EIF2AK2: variants seen among roughly 807,000 people sequenced by gnomAD.
EIF2AK2 encodes eukaryotic translation initiation factor 2 alpha kinase 2.
A neutral mutation model predicts 70.5 loss-of-function variants in EIF2AK2; 40 were observed. That is an observed-to-expected ratio of 0.57 (90% CI 0.44 to 0.74). The LOEUF is 0.74. EIF2AK2 is among the 30% of genes least tolerant of loss of function. EIF2AK2 has a pLI of 0.00. For synonymous variants in EIF2AK2, 198 were observed against 220.9 expected (o/e 0.90, Z 0.92); for missense variants, 555 against 644.3 (o/e 0.86, Z 1.50).
chr2:37,104,803 C>G lies in EIF2AK2; in HGVS notation c.*2470G>C, dbSNP rs1673914561. On this transcript the variant is annotated 3_prime_UTR_variant, in exon 17 of 17. Transcript: ENST00000233057. ...CTAATAATTTCCTCATGATTAAATT[C>G]CAGTTTAACACTTTGTGCAAGAAAA... The G allele has an allele frequency of 6.6e-6, 1 of 151,792 alleles. No individual in the cohort carries two copies. The highest frequency in any genetic ancestry group is 2.4e-5 in the African/African-American group (1 of 41,300). The allele number at this position is 151,792 out of a possible 1,614,324, so 9.4% of individuals were successfully genotyped here.
At chr2:37,141,362 A>G (rs921787913) in intron 5 of EIF2AK2, among the ~76,000 whole-genome samples, 191 bp downstream of exon 5, 1 of 152,210 alleles carries the variant, frequency 6.6e-6, no homozygotes, top group Non-Finnish European at 1.5e-5. Context: ...ATTATGGTAA[A>G]TGGGTTCCAT....
At chr2:37,129,410 C>T (rs1048922010) in intron 10 of EIF2AK2, among the ~76,000 whole-genome samples, 4 of 152,088 alleles carry the variant, frequency 2.6e-5, no homozygotes, top group African/African-American at 9.7e-5. Context: ...TCAACAGGGA[C>T]ACCTTCCCCA....
intron 1 of EIF2AK2, among the ~76,000 whole-genome samples, chr2:37,151,639 T>C (rs75331687): frequency 1.3e-5 from 2 of 152,212 alleles, no homozygotes; most frequent in Non-Finnish European, 2.9e-5. Flanking sequence ...TAGACAGGAA[T>C]GTACATAGCA....
At chr2:37,112,278 T>C (rs1356643734) in intron 14 of EIF2AK2, among the ~76,000 whole-genome samples, 2 of 152,138 alleles carry the variant, frequency 1.3e-5, no homozygotes, top group African/African-American at 2.4e-5. Flanking sequence ...CGACTTGTCA[T>C]GTGAGCAAGA....
At chr2:37,113,547 AAACAAAGAAGT>A (rs1243388085) in intron 14 of EIF2AK2, among the ~76,000 whole-genome samples, 4 of 151,742 alleles carry the variant, frequency 2.6e-5, no homozygotes, top group African/African-American at 9.7e-5. Context: ...ATGTCATTAT[AAACAAAGAAGT>A]AACAATCAAG....
At chr2:37,133,588 C>A (rs77795433) in intron 10 of EIF2AK2, among the ~76,000 whole-genome samples, 7,275 of 152,242 alleles carry the variant, frequency 0.048, 204 homozygotes, top group Middle Eastern at 0.061. Context: ...CTCTCAAGAA[C>A]ACAGACTTCC....
chr2:37,149,178 T>C (rs961131827), intron 1 of EIF2AK2, 155 bp from the exon 2 acceptor site: 1 of 1,062,480 alleles, frequency 9.4e-7, no homozygotes, highest in African/African-American at 1.6e-5. Context: ...TTAGGATGTT[T>C]CTATGCTTGT....
Position 37,139,755 on chromosome 2 carries a change from A to T in EIF2AK2, c.392T>A (p.Phe131Tyr), listed in dbSNP as rs771237577. The part of the protein sequence containing the change: ...CASGVHGPEG[F>Y]HYKCKMGQKE... ...CTGTCCCATTTTGCATTTATAATGAAATCTAGGAGAAATCATAGAAGGTAC... is the reference window on the plus strand; with the variant it reads ...CTGTCCCATTTTGCATTTATAATGATATCTAGGAGAAATCATAGAAGGTAC... The change falls in exon 6 of 17, where the codon TTT becomes TAT. Residue 131 changes from phenylalanine (F) to tyrosine (Y), a missense_variant and splice_region_variant. Coordinates refer to ENST00000233057, the MANE Select transcript of EIF2AK2 (RefSeq NM_001135651.3). 2 of 1,607,778 alleles carry T rather than the reference A, an allele frequency of 1.2e-6. No individual in the cohort carries two copies. Among genetic ancestry groups the T allele is most frequent in the Non-Finnish European group, 1.7e-6 (2 of 1,178,378 alleles).
chr2:37,133,384 A>C (rs1675015015), intron 10 of EIF2AK2, among the ~76,000 whole-genome samples: 1 of 152,106 alleles, frequency 6.6e-6, no homozygotes, highest in African/African-American at 2.4e-5. Flanking sequence ...CTGCCATTTC[A>C]TTTGGGAATA....
Position 37,105,830 on chromosome 2 carries a change from C to G in EIF2AK2, c.*1443G>C, listed in dbSNP as rs1006378339. The G allele has an allele frequency of 6.6e-6, 1 of 152,278 alleles. No homozygotes were observed. The highest frequency in any genetic ancestry group is 1.5e-5 in the Non-Finnish European group (1 of 68,096). 9.4% of individuals were successfully genotyped at this position (152,278 alleles called of 1,614,324 possible). ...CCTGGGTGGTCTCCTCTCTACTCAT[C>G]TAACACCCTGGCATATAGTTGGAAG... On this transcript the variant is annotated 3_prime_UTR_variant, in exon 17 of 17. Transcript: ENST00000233057.
intron 4 of EIF2AK2, among the ~76,000 whole-genome samples, chr2:37,142,548 T>G (rs1328663404): frequency 6.6e-6 from 1 of 152,100 alleles, no homozygotes; most frequent in Non-Finnish European, 1.5e-5. Flanking sequence ...TTCTTTCTTC[T>G]GCTTTTTGGG....
In EIF2AK2 at chr2:37,120,283, C is replaced by T. The variant is rs565628180; in HGVS notation, c.1068-144G>A. On this transcript the variant is annotated intron_variant, in intron 12 of 16. Coordinates refer to ENST00000233057, the MANE Select transcript of EIF2AK2 (RefSeq NM_001135651.3). Reference sequence around the variant, plus strand: ...GAACCCCAAAAACACTTTGGGAGGCCGAGGCGGGCGGATCACGAGGTCAGG... The same window carrying T: ...GAACCCCAAAAACACTTTGGGAGGCTGAGGCGGGCGGATCACGAGGTCAGG... The T allele has an allele frequency of 4.0e-5, 18 of 450,308 alleles. No homozygotes were observed. The East Asian group carries it at 7.8e-4, about 20-fold the overall frequency. 27.9% of individuals were successfully genotyped at this position (450,308 alleles called of 1,614,324 possible).
At chr2:37,108,454 G>A (rs1429571484) in intron 15 of EIF2AK2, among the ~76,000 whole-genome samples, 1 of 152,116 alleles carries the variant, frequency 6.6e-6, no homozygotes, top group African/African-American at 2.4e-5. Context: ...CCCTACAGCT[G>A]GAAAGATCTC....
chr2:37,147,234 A>G (rs1250709122), intron 3 of EIF2AK2, among the ~76,000 whole-genome samples: 1 of 152,110 alleles, frequency 6.6e-6, no homozygotes, highest in African/African-American at 2.4e-5. Context: ...TCACAAAACT[A>G]AAGTGTTGAC....
chr2:37,124,608 A>T (rs1674670137), intron 11 of EIF2AK2, among the ~76,000 whole-genome samples: 1 of 152,190 alleles, frequency 6.6e-6, no homozygotes, highest in African/African-American at 2.4e-5. Context: ...CAGGGGACAG[A>T]ACAAAATATA....
intron 4 of EIF2AK2, among the ~76,000 whole-genome samples, chr2:37,145,533 G>A (rs1675501310): frequency 6.6e-6 from 1 of 151,982 alleles, no homozygotes; most frequent in East Asian, 1.9e-4. Context: ...AGTAAGCTAA[G>A]GTTAATTTAT....
At chr2:37,131,683 T>A (rs1321883960) in intron 10 of EIF2AK2, among the ~76,000 whole-genome samples, 1 of 152,084 alleles carries the variant, frequency 6.6e-6, no homozygotes, top group Non-Finnish European at 1.5e-5. Context: ...TCCACTCACA[T>A]AAAGGGAGCC....
Position 37,141,690 on chromosome 2 carries a change from A to C in EIF2AK2, c.252T>G (p.Pro84=). 1 of 1,612,394 alleles carries C rather than the reference A, an allele frequency of 6.2e-7. No homozygotes were observed. Among genetic ancestry groups the C allele is most frequent in the Non-Finnish European group, 8.5e-7 (1 of 1,179,512 alleles). Residue 84 remains proline (P), a synonymous_variant, in exon 5 of 17, where the codon CCT becomes CCG. Transcript: ENST00000233057. The part of the protein sequence containing the change: ...ILNKEKKAVS[P]LLLTTTNSSE... ...AAGAATTCGTTGTTGTCAATAATAA[A>C]GGACTAACTGCCTACAAAGAAAAAA...
rs760695703 is a variant in EIF2AK2, at chr2:37,139,775, A to C, written c.390-18T>G. 2.5e-6 allele frequency: 4 copies of C among 1,602,794 alleles called. No homozygotes were observed. The highest frequency in any genetic ancestry group is 3.4e-6 in the Non-Finnish European group (4 of 1,176,548). On this transcript the variant is annotated intron_variant, in intron 5 of 16. Coordinates refer to ENST00000233057, the MANE Select transcript of EIF2AK2 (RefSeq NM_001135651.3). Reference sequence around the variant, plus strand: ...AATGAAATCTAGGAGAAATCATAGAAGGTACTTATCCAAACATGAAAAATA... The same window carrying C: ...AATGAAATCTAGGAGAAATCATAGACGGTACTTATCCAAACATGAAAAATA...
Sources: allele counts gnomAD v4.1 joint callset (sites outside exome capture counted in the v4.1 genomes callset), GRCh38; gene constraint gnomAD v4.1.1; transcripts MANE v1.5; gene names NCBI Gene and HGNC (gene_info 2026-07-23, HGNC 2026-07-21).